The following CTBP2 variants were observed in gnomAD, a reference collection of about 807,000 sequenced individuals.
The protein encoded by CTBP2 is C-terminal-binding protein 2.
A neutral mutation model predicts 80.3 loss-of-function variants in CTBP2; 30 were observed. The observed-to-expected ratio is 0.37, with a 90% CI of 0.28 to 0.51. The LOEUF (loss-of-function observed/expected upper bound fraction) is 0.51. Ranked by LOEUF, CTBP2 falls within the 20% of genes least tolerant of loss-of-function variation. CTBP2 has a pLI of 0.93. For missense variants in CTBP2, 1,212 were observed against 1,375.3 expected, an observed-to-expected ratio of 0.88 and a Z score of 1.88; for synonymous variants, 594 against 587.4, an observed-to-expected ratio of 1.01 and a Z score of -0.16.
intron 2 of CTBP2, among the ~76,000 whole-genome samples, chr10:125,043,920 T>G (rs530819010): frequency 6.6e-6 from 1 of 152,358 alleles, no homozygotes; most frequent in African/African-American, 2.4e-5. Flanking sequence ...ATTCTGTTAA[T>G]AAAGGCAGAC....
Position 124,984,437 on chromosome 10 carries a change from T to C in CTBP2, c.*5081A>G, listed in dbSNP as rs1951984303. On this transcript the variant is annotated 3_prime_UTR_variant, in exon 9 of 9. Transcript: ENST00000309035. ...TGTATAATTTCAGCTTGTACATAAT[T>C]GACTAAGTAAACTTACCTTGTCATG... 1 of 233,590 alleles carries C rather than the reference T, an allele frequency of 4.3e-6. No homozygotes were observed. The highest frequency in any genetic ancestry group is 8.2e-6 in the Non-Finnish European group (1 of 121,760). 14.5% of individuals were successfully genotyped at this position (233,590 alleles called of 1,614,324 possible).
At chr10:125,023,867 A>C (rs938428355) in intron 1 of CTBP2, among the ~76,000 whole-genome samples, 2 of 152,230 alleles carry the variant, frequency 1.3e-5, no homozygotes, top group Admixed American at 1.3e-4. Context: ...AAGCAGTGCA[A>C]CACCGCCCAT....
At chr10:124,991,893 T>TGGGGGGGG (rs11459870) in intron 8 of CTBP2, among the ~76,000 whole-genome samples, 5 of 60,514 alleles carry the variant, frequency 8.3e-5, no homozygotes, top group Non-Finnish European at 6.7e-5. Flanking sequence ...CCAGCAATAA[T>TGGGGGGGG]GGGGGGGGGG....
chr10:125,007,407 A>T (rs1033878615), intron 1 of CTBP2, among the ~76,000 whole-genome samples: 4 of 152,266 alleles, frequency 2.6e-5, no homozygotes, highest in Non-Finnish European at 5.9e-5. Context: ...GTGAAATGAG[A>T]GATGCTCAGT....
intron 2 of CTBP2, among the ~76,000 whole-genome samples, chr10:125,091,489 T>C (rs931124080): frequency 6.6e-6 from 1 of 152,130 alleles, no homozygotes; most frequent in Non-Finnish European, 1.5e-5. Context: ...AAAAGTAACA[T>C]AGGCCAGGTG....
intron 2 of CTBP2, among the ~76,000 whole-genome samples, chr10:125,060,657 G>T (rs7083910): frequency 2.5e-4 from 38 of 152,250 alleles, no homozygotes; most frequent in African/African-American, 8.7e-4. Context: ...GGGCAGTCAT[G>T]CGGAAGAGGG....
chr10:125,152,546 G>C (rs1226273384), intron 1 of CTBP2, among the ~76,000 whole-genome samples: 1 of 152,248 alleles, frequency 6.6e-6, no homozygotes, highest in African/African-American at 2.4e-5. Context: ...CATAAAATAG[G>C]AATTGCTCTA....
At chr10:124,999,286 T>G (rs937535559) in intron 3 of CTBP2, 1 of 152,192 alleles carries the variant, frequency 6.6e-6, no homozygotes, top group South Asian at 2.1e-4. Context: ...TAGGAGAGTG[T>G]CTCTCCCAGC....
intron 1 of CTBP2, among the ~76,000 whole-genome samples, chr10:125,119,600 A>G (rs1853969737): frequency 6.6e-6 from 1 of 152,252 alleles, no homozygotes; most frequent in Non-Finnish European, 1.5e-5. Context: ...ATGTATTCAA[A>G]TCTCACATAT....
chr10:125,107,980 T>C (rs548631137), intron 2 of CTBP2, among the ~76,000 whole-genome samples: 2 of 152,204 alleles, frequency 1.3e-5, no homozygotes, highest in African/African-American at 4.8e-5. Flanking sequence ...AAAAGATAAT[T>C]GGGTACTGCT....
At chr10:125,046,878 A>T (rs1310787941) in intron 2 of CTBP2, among the ~76,000 whole-genome samples, 1 of 152,224 alleles carries the variant, frequency 6.6e-6, no homozygotes, top group Admixed American at 6.5e-5. Context: ...ACACGAAAAT[A>T]CATTTCCTCG....
At chr10:125,134,825 G>A (rs911592819) in intron 1 of CTBP2, among the ~76,000 whole-genome samples, 4 of 151,750 alleles carry the variant, frequency 2.6e-5, no homozygotes, top group Non-Finnish European at 5.9e-5. Flanking sequence ...GCCTGGAGAG[G>A]GAGTCAGGCA....
At position 125,026,813 on chromosome 10, in the gene CTBP2, T is replaced by G; in HGVS notation, c.947A>C (p.Asp316Ala). ...CAGGGTAGCCAGGACGGCCGGGGAGTCAAAGCCCTGCTGCAGTAGGGCTCC... is the reference window on the plus strand; with the variant it reads ...CAGGGTAGCCAGGACGGCCGGGGAGGCAAAGCCCTGCTGCAGTAGGGCTCC... The change falls in exon 1 of 9, where the codon GAC (aspartate) becomes GCC (alanine). Residue 316 changes from aspartate to alanine, a missense_variant. Transcript: ENST00000309035. 1 of 1,613,124 alleles carries G rather than the reference T, an allele frequency of 6.2e-7. No homozygotes were observed. Among genetic ancestry groups the G allele is most frequent in the Non-Finnish European group, 8.5e-7 (1 of 1,179,946 alleles).
chr10:125,019,246 C>G (rs1205927328), intron 1 of CTBP2, among the ~76,000 whole-genome samples: 1 of 152,222 alleles, frequency 6.6e-6, no homozygotes, highest in Non-Finnish European at 1.5e-5. Flanking sequence ...CACCTGACAA[C>G]TGCACGTTTA....
chr10:124,992,896 G>C, intron 7 of CTBP2, 84 bp from the exon 10 acceptor site: 1 of 1,075,164 alleles, frequency 9.3e-7, no homozygotes, highest in Non-Finnish European at 1.4e-6. Context: ...GCTTATGTGG[G>C]GAAATAAGCA....
At chr10:125,047,348 T>C (rs1326621485) in intron 2 of CTBP2, among the ~76,000 whole-genome samples, 21 of 152,166 alleles carry the variant, frequency 1.4e-4, no homozygotes, top group Admixed American at 1.4e-3. Flanking sequence ...TAAAAAAAAT[T>C]AGTGATCTCA....
chr10:125,077,071 G>C lies in CTBP2; in HGVS notation c.-102+33919C>G, dbSNP rs541835700. On this transcript the variant is annotated intron_variant, in intron 2 of 10. Transcript: ENST00000337195. ...ATGCGCCACGCCTCCATTTTGAAAA[G>C]AGAAAAAATTCACCACTCTTGCACT... Among the ~76,000 whole-genome samples, 13 of 152,262 alleles carry C rather than the reference G, an allele frequency of 8.5e-5. No homozygotes were observed. The East Asian group carries it at 2.3e-3, about 27-fold the overall frequency.
intron 2 of CTBP2, among the ~76,000 whole-genome samples, chr10:125,095,159 A>G (rs1020048105): frequency 5.3e-5 from 8 of 152,136 alleles, no homozygotes. Context: ...ATTCCCATCC[A>G]TGTCACTGCT....
At chr10:125,132,699 T>G (rs1856381606) in intron 1 of CTBP2, among the ~76,000 whole-genome samples, 1 of 152,176 alleles carries the variant, frequency 6.6e-6, no homozygotes, top group Non-Finnish European at 1.5e-5. Flanking sequence ...ACTTATAAAC[T>G]TATTTGAATA....
Sources: gnomAD v4.1 joint callset for allele counts (sites outside exome capture counted in the v4.1 genomes callset) on GRCh38, gnomAD v4.1.1 for gene constraint, MANE v1.5 for transcripts, NCBI Gene and HGNC (gene_info 2026-07-23, HGNC 2026-07-21) for gene names.